The following ILDR1 variants were observed in gnomAD, a reference collection of about 807,000 sequenced individuals.
ILDR1 encodes immunoglobulin-like domain-containing receptor 1.
In ILDR1, 56 loss-of-function variants were observed where a neutral mutation model predicts 62.4. The ratio of observed to expected loss-of-function variants is 0.90; its 90% confidence interval spans 0.72 to 1.12. The LOEUF is 1.12. Among genes scored for constraint, ILDR1 ranks in the 50% most tolerant of loss-of-function variants. ILDR1 has a pLI of 0.00. For missense variants in ILDR1, 736 were observed against 710.6 expected (o/e 1.04, Z -0.41); for synonymous variants, 284 against 277.8 (o/e 1.02, Z -0.22).
intron 7 of ILDR1, 39 bp downstream of exon 7, chr3:121,993,111 T>C (rs2107642154): frequency 6.7e-7 from 1 of 1,483,208 alleles, no homozygotes; most frequent in African/African-American, 1.4e-5. Context: ...GGCTCCTCTC[T>C]GCCCATGCCC....
At position 121,993,650 on chromosome 3, in the gene ILDR1, C is replaced by A. The variant is rs1294601780; in HGVS notation, c.1099G>T (p.Gly367Trp). ...TCAGGGTAATGGTGGTGGCTTCTCC[C>A]CTCCCTCAGATCCCAGGGCCTGGAG... ...IPSRPWDLRE[G>W]RSHHHYPDFH... The change falls in exon 7 of 8, where the codon GGG (glycine) becomes TGG (tryptophan). Residue 367 changes from glycine to tryptophan, a missense_variant. By Grantham distance (184) the Gly-to-Trp change is radical. Coordinates refer to ENST00000344209, the MANE Select transcript of ILDR1 (RefSeq NM_001199799.2). 2.5e-6 allele frequency: 4 copies of A among 1,614,090 alleles called. No individual in the cohort carries two copies. Among genetic ancestry groups the A allele is most frequent in the Non-Finnish European group, 3.4e-6 (4 of 1,180,046 alleles).
the ILDR1 span, among the ~76,000 whole-genome samples, chr3:122,057,474 A>C: frequency 1.3e-5 from 2 of 152,248 alleles, no homozygotes; most frequent in Non-Finnish European, 2.9e-5. Flanking sequence ...ATGCAGAACG[A>C]ACAGTGCTAT....
chr3:122,008,314 A>C (rs954600147), intron 1 of ILDR1, among the ~76,000 whole-genome samples: 2 of 152,176 alleles, frequency 1.3e-5, no homozygotes, highest in African/African-American at 4.8e-5. Flanking sequence ...GTAGCACCAA[A>C]ATGTCAGGTG....
chr3:122,060,123 A>G, the ILDR1 span, among the ~76,000 whole-genome samples: 22,204 of 152,230 alleles, frequency 0.15, 1,825 homozygotes, highest in African/African-American at 0.22. Flanking sequence ...GAAGCTGTGA[A>G]TAAGTGCATC....
At chr3:122,021,765 A>G (rs2071858729) in intron 1 of ILDR1, among the ~76,000 whole-genome samples, 1 of 152,372 alleles carries the variant, frequency 6.6e-6, no homozygotes, top group Admixed American at 6.5e-5. Context: ...GACTGCAGGA[A>G]CGAAAGTTCA....
At chr3:122,007,300 T>TA (rs2071629555) in intron 1 of ILDR1, 139 bp from the exon 2 acceptor site, 1 of 1,545,276 alleles carries the variant, frequency 6.5e-7, no homozygotes, top group Non-Finnish European at 8.7e-7. Context: ...TCTGGGTTCT[T>TA]ACTCACCTGG....
At chr3:122,056,094 T>C in the ILDR1 span, among the ~76,000 whole-genome samples, 1 of 152,182 alleles carries the variant, frequency 6.6e-6, no homozygotes, top group Non-Finnish European at 1.5e-5. Flanking sequence ...TTTCATTGAA[T>C]TTTATTCTTC....
the ILDR1 span, among the ~76,000 whole-genome samples, chr3:122,028,515 A>G: frequency 3.3e-5 from 5 of 152,212 alleles, no homozygotes; most frequent in East Asian, 9.6e-4. Context: ...AAAAGTCACA[A>G]ACTAGGAAAA....
the ILDR1 span, among the ~76,000 whole-genome samples, chr3:122,029,674 A>C: frequency 1.6e-3 from 238 of 151,990 alleles, 1 homozygote; most frequent in East Asian, 0.042. Context: ...AGACATGCAA[A>C]ATCATTTAAA....
the ILDR1 span, among the ~76,000 whole-genome samples, chr3:122,053,709 T>C: frequency 6.6e-6 from 1 of 152,156 alleles, no homozygotes; most frequent in Admixed American, 6.5e-5. Flanking sequence ...GTACTATTAA[T>C]GTACTATTTA....
chr3:122,061,449 AC>A, the ILDR1 span, among the ~76,000 whole-genome samples: 1 of 152,204 alleles, frequency 6.6e-6, no homozygotes, highest in Non-Finnish European at 1.5e-5. Context: ...GTTCATTCTC[AC>A]CAAATACTAA....
At chr3:122,007,403 G>T in intron 1 of ILDR1, 1 of 669,576 alleles carries the variant, frequency 1.5e-6, no homozygotes, top group Non-Finnish European at 2.5e-6. Context: ...GGAATTTACA[G>T]TGCATTAACA....
intron 1 of ILDR1, among the ~76,000 whole-genome samples, chr3:122,007,667 C>T (rs950390998): frequency 6.6e-6 from 1 of 152,174 alleles, no homozygotes; most frequent in Admixed American, 6.5e-5. Flanking sequence ...TTTCTTCAGT[C>T]CTTCCCATGC....
intron 1 of ILDR1, among the ~76,000 whole-genome samples, chr3:122,012,668 T>TA (rs2071721618): frequency 6.6e-6 from 1 of 152,118 alleles, no homozygotes; most frequent in African/African-American, 2.4e-5. Flanking sequence ...GTGGTGAGCA[T>TA]AAAAAAATGT....
the ILDR1 span, among the ~76,000 whole-genome samples, chr3:122,043,193 T>C: frequency 1.4e-5 from 2 of 142,686 alleles, no homozygotes; most frequent in African/African-American, 5.3e-5. Context: ...CATTGCTTGT[T>C]TTTCTCAGGT....
chr3:122,021,911 C>A, intron 1 of ILDR1, 109 bp downstream of exon 1: 1 of 1,047,618 alleles, frequency 9.5e-7, no homozygotes, highest in Middle Eastern at 2.9e-4. Context: ...GCCACCAGAG[C>A]GCGGCCCAGG....
At chr3:122,055,087 T>C in the ILDR1 span, among the ~76,000 whole-genome samples, 1 of 152,194 alleles carries the variant, frequency 6.6e-6, no homozygotes, top group East Asian at 1.9e-4. Flanking sequence ...CTTTATTCTA[T>C]TTTGTTGCTG....
chr3:122,010,043 C>A (rs2071680997), intron 1 of ILDR1, among the ~76,000 whole-genome samples: 1 of 152,192 alleles, frequency 6.6e-6, no homozygotes, highest in East Asian at 1.9e-4. Flanking sequence ...ATGATTTAAC[C>A]TAGGCTCCAA....
the ILDR1 span, among the ~76,000 whole-genome samples, chr3:122,049,770 T>C: frequency 6.6e-6 from 1 of 152,302 alleles, no homozygotes. Context: ...AATAATGAAA[T>C]ATCTGCCTTC....
Sources: allele counts gnomAD v4.1 joint callset (sites outside exome capture counted in the v4.1 genomes callset), GRCh38; gene constraint gnomAD v4.1.1; transcripts MANE v1.5; gene names NCBI Gene and HGNC (gene_info 2026-07-23, HGNC 2026-07-21).